MS4A18: variants seen among roughly 807,000 people sequenced by gnomAD.
The protein encoded by MS4A18 is membrane spanning 4-domains A18, also known as membrane-spanning 4-domains subfamily A member 18.
A neutral mutation model predicts 13.1 loss-of-function variants in MS4A18; 27 were observed. That is an observed-to-expected ratio of 2.06 (90% CI 1.52 to 2.84). The LOEUF is 2.84. Ranked by LOEUF, MS4A18 falls within the 30% of genes most tolerant of loss-of-function variation. The pLI is 0.00. For synonymous variants in MS4A18, 126 were observed against 76.5 expected (o/e 1.65, Z -3.38); for missense variants, 307 against 196.4 (o/e 1.56, Z -3.37).
In MS4A18 at chr11:60,738,550, G is replaced by A. The variant is rs568721421; in HGVS notation, c.649-352G>A. On this transcript the variant is annotated intron_variant, in intron 3 of 5. Transcript: ENST00000529108. ...AGAAGGATGCTGCACATTGATTAAC[G>A]AATGATTTTGGGTGGAGGTTTGGAG... Among the ~76,000 whole-genome samples the A allele has an allele frequency of 5.3e-5, 8 of 152,188 alleles. No individual in the cohort carries two copies. In the South Asian group the frequency reaches 1.5e-3, roughly 28 times the overall value.
chr11:60,733,381 C>T (rs528417054), intron 1 of MS4A18, among the ~76,000 whole-genome samples, 153 bp from the exon 3 acceptor site: 1 of 152,214 alleles, frequency 6.6e-6, no homozygotes, highest in Non-Finnish European at 1.5e-5. Flanking sequence ...GTGGACCCTA[C>T]CCTCAGAGAT....
At chr11:60,734,077 C>G (rs899305090) in intron 2 of MS4A18, among the ~76,000 whole-genome samples, 2 of 151,960 alleles carry the variant, frequency 1.3e-5, no homozygotes, top group African/African-American at 2.4e-5. Context: ...GACCTCCCCC[C>G]ACCCGCCATC....
upstream of MS4A18, among the ~76,000 whole-genome samples, chr11:60,728,248 C>T (rs1258829688): frequency 6.6e-6 from 1 of 152,182 alleles, no homozygotes; most frequent in Admixed American, 6.5e-5. Flanking sequence ...GTTGAAAAAT[C>T]ATACACAAAA....
chr11:60,742,250 T>A (rs1565062381), intron 5 of MS4A18, among the ~76,000 whole-genome samples: 1 of 152,234 alleles, frequency 6.6e-6, no homozygotes, highest in Non-Finnish European at 1.5e-5. Flanking sequence ...ATGTTTTCTT[T>A]TTTCATAAGG....
rs907255991 is a variant in MS4A18 at position 60,740,952 on chromosome 11, G to A, written c.745-78G>A. 23 of 699,342 alleles carry A rather than the reference G, an allele frequency of 3.3e-5. No homozygotes were observed. In the African/African-American group the frequency reaches 4.0e-4, roughly 12 times the overall value. The allele number at this position is 699,342 out of a possible 1,614,324, so 43.3% of individuals were successfully genotyped here. ...GTCTCAGGCCTTCCAGGTGAGGTGTGTGGCACTCCAAATGTGGACTGTCAC... is the reference window on the plus strand; with the variant it reads ...GTCTCAGGCCTTCCAGGTGAGGTGTATGGCACTCCAAATGTGGACTGTCAC... On this transcript the variant is annotated intron_variant, in intron 4 of 5. Transcript: ENST00000529108.
chr11:60,732,036 A>G (rs1853261997), intron 1 of MS4A18, among the ~76,000 whole-genome samples: 1 of 152,062 alleles, frequency 6.6e-6, no homozygotes, highest in Non-Finnish European at 1.5e-5. Context: ...TCTGTCACCA[A>G]CTCATAGACT....
At chr11:60,729,617 C>T in exon 1 of MS4A18, 1 of 702,754 alleles carries the variant, frequency 1.4e-6, no homozygotes, top group Non-Finnish European at 2.6e-6. Context: ...ATCCAATACA[C>T]ACAGGGAACC....
intron 2 of MS4A18, among the ~76,000 whole-genome samples, chr11:60,735,335 CT>C (rs71043724): frequency 0.55 from 66,102 of 121,284 alleles, 16,377 homozygotes; most frequent in Non-Finnish European, 0.63. Flanking sequence ...TAATGTTTTT[CT>C]TTTTTTTTTT....
chr11:60,727,347 T>C (rs1853175859), upstream of MS4A18, among the ~76,000 whole-genome samples: 1 of 152,164 alleles, frequency 6.6e-6, no homozygotes, highest in African/African-American at 2.4e-5. Flanking sequence ...CTTTTATAGA[T>C]AAGAAACTGA....
At chr11:60,727,129 T>G (rs1853173636), upstream of MS4A18, among the ~76,000 whole-genome samples, 1 of 152,190 alleles carries the variant, frequency 6.6e-6, no homozygotes, top group Non-Finnish European at 1.5e-5. Context: ...CCATGGTGTA[T>G]ATGTGCCACG....
At chr11:60,738,938 C>G in exon 4 of MS4A18, 1 of 703,382 alleles carries the variant, frequency 1.4e-6, no homozygotes, top group African/African-American at 1.7e-5. Flanking sequence ...CATCAGCGCA[C>G]TCTTCGCCTT....
intron 3 of MS4A18, 146 bp from the exon 5 acceptor site, chr11:60,738,756 C>T (rs911292345): frequency 6.8e-6 from 4 of 586,574 alleles, no homozygotes; most frequent in Non-Finnish European, 1.2e-5. Context: ...ACCTCACTAT[C>T]GCTAAAATAA....
intron 1 of MS4A18, among the ~76,000 whole-genome samples, chr11:60,729,993 G>A (rs113855847): frequency 6.6e-6 from 1 of 152,082 alleles, no homozygotes; most frequent in Admixed American, 6.5e-5. Flanking sequence ...GAGACCCATG[G>A]TTTGGGGGAT....
At chr11:60,724,957 C>T (rs1426988281), upstream of MS4A18, among the ~76,000 whole-genome samples, 2 of 152,180 alleles carry the variant, frequency 1.3e-5, no homozygotes, top group Non-Finnish European at 2.9e-5. Flanking sequence ...CGTGCAGCCA[C>T]CCATCCTTGG....
chr11:60,742,115 T>C (rs1240121887), intron 5 of MS4A18, among the ~76,000 whole-genome samples: 1 of 152,220 alleles, frequency 6.6e-6, no homozygotes, highest in African/African-American at 2.4e-5. Flanking sequence ...AGGAGTCAAT[T>C]TGACTCTCTG....
upstream of MS4A18, among the ~76,000 whole-genome samples, chr11:60,725,477 A>T (rs1416907468): frequency 6.6e-6 from 1 of 152,102 alleles, no homozygotes; most frequent in African/African-American, 2.4e-5. Context: ...TACAGGCAGA[A>T]CCATTCTCTT....
intron 4 of MS4A18, among the ~76,000 whole-genome samples, chr11:60,739,854 A>C (rs1853392052): frequency 1.3e-5 from 2 of 152,238 alleles, no homozygotes; most frequent in African/African-American, 4.8e-5. Flanking sequence ...GAGAGTAGCT[A>C]GCTCCACAGT....
chr11:60,729,997 G>T (rs1281196964), intron 1 of MS4A18, among the ~76,000 whole-genome samples: 3 of 152,100 alleles, frequency 2.0e-5, no homozygotes, highest in Admixed American at 6.5e-5. Context: ...CCCATGGTTT[G>T]GGGGATAAAG....
At chr11:60,743,604 G>A in intron 5 of MS4A18, 46 bp from the exon 7 acceptor site, 1 of 686,252 alleles carries the variant, frequency 1.5e-6, no homozygotes, top group Non-Finnish European at 2.7e-6. Context: ...CATTGTTGTT[G>A]TTTACTACAG....
Sources: gnomAD v4.1 joint callset for allele counts (sites outside exome capture counted in the v4.1 genomes callset) on GRCh38, gnomAD v4.1.1 for gene constraint, MANE v1.5 for transcripts, NCBI Gene and HGNC (gene_info 2026-07-23, HGNC 2026-07-21) for gene names.